Variants in GRM5 observed in about 807,000 individuals in gnomAD.
GRM5 encodes glutamate metabotropic receptor 5.
In GRM5, 19 loss-of-function variants were observed where a neutral mutation model predicts 83.1. That is an observed-to-expected ratio of 0.23 (90% CI 0.16 to 0.34). The LOEUF (loss-of-function observed/expected upper bound fraction) is 0.34. GRM5 is among the 10% of genes least tolerant of loss of function. The pLI, the probability that GRM5 is intolerant of heterozygous loss-of-function variation, is 1.00. For missense variants in GRM5, 1,160 were observed against 1,588.3 expected, an observed-to-expected ratio of 0.73 and a Z score of 4.58; for synonymous variants, 675 against 633.6, an observed-to-expected ratio of 1.07 and a Z score of -0.98.
chr11:88,795,658 T>G (rs994361365), intron 3 of GRM5, among the ~76,000 whole-genome samples: 8 of 152,198 alleles, frequency 5.3e-5, no homozygotes, highest in Non-Finnish European at 1.0e-4. Flanking sequence ...TGAGATATTA[T>G]TAGCACTCTC....
intron 2 of GRM5, among the ~76,000 whole-genome samples, chr11:89,001,505 T>A (rs1429711671): frequency 6.6e-6 from 1 of 152,114 alleles, no homozygotes. Context: ...GTGACAAATT[T>A]ATAGGAATGG....
intron 2 of GRM5, among the ~76,000 whole-genome samples, chr11:88,985,972 TAATA>T (rs1343470149): frequency 2.6e-5 from 4 of 152,122 alleles, no homozygotes; most frequent in Admixed American, 2.6e-4. Context: ...CAATAATAAA[TAATA>T]AATAAACATT....
chr11:88,948,727 A>C (rs1035391481), intron 2 of GRM5, among the ~76,000 whole-genome samples: 2 of 152,248 alleles, frequency 1.3e-5, no homozygotes, highest in Non-Finnish European at 2.9e-5. Flanking sequence ...ATATGAAATC[A>C]AGAAAGCTAT....
rs183290174 is a variant in GRM5, at chr11:88,980,422, G to A, written c.661+66790C>T. Among the ~76,000 whole-genome samples the A allele has an allele frequency of 8.5e-5, 13 of 152,256 alleles. 1 individual carries two copies. In the East Asian group the frequency reaches 2.5e-3, roughly 29 times the overall value. ...TCAACCTAATCACTACCTCATGTTG[G>A]TGAAATATCTAAAATCTAAGAAAGA... On this transcript the variant is annotated intron_variant, in intron 2 of 9. Transcript: ENST00000305447.
At chr11:88,612,851 G>T (rs1156591219) in intron 4 of GRM5, 1 of 152,250 alleles carries the variant, frequency 6.6e-6, no homozygotes, top group Middle Eastern at 3.4e-3. Flanking sequence ...CTTGCGCAGG[G>T]GCCATGCTAA....
At chr11:88,940,331 G>C (rs1229260588) in intron 2 of GRM5, among the ~76,000 whole-genome samples, 1 of 145,184 alleles carries the variant, frequency 6.9e-6, no homozygotes, top group East Asian at 2.0e-4. Flanking sequence ...TTTTTTTTTG[G>C]AAGACCTTTT....
chr11:88,771,118 C>T (rs1942728319), intron 3 of GRM5, among the ~76,000 whole-genome samples: 1 of 152,036 alleles, frequency 6.6e-6, no homozygotes, highest in African/African-American at 2.4e-5. Flanking sequence ...TTAGAGATCA[C>T]CTAGCCCTGG....
chr11:88,944,029 G>C (rs761504862), intron 2 of GRM5, among the ~76,000 whole-genome samples: 1 of 152,000 alleles, frequency 6.6e-6, no homozygotes, highest in Non-Finnish European at 1.5e-5. Context: ...GTGTTTGGCA[G>C]CAAATAGATG....
rs200022697 is a variant in GRM5, at chr11:88,750,586, TGATA to T, written c.912-97187_912-97184del. 2.0e-3 allele frequency among the ~76,000 whole-genome samples: 310 copies of T among 152,302 alleles called. 8 individuals carry two copies. In the East Asian group the frequency reaches 0.05, roughly 25 times the overall value. On this transcript the variant is annotated intron_variant, in intron 3 of 9. Transcript: ENST00000305447. Reference sequence around the variant, plus strand: ...AACTTAGCTCTGGATCAAGTGGCCCTGATAGATATCTACAGAATTCTCCACCCAA... The same window carrying T: ...AACTTAGCTCTGGATCAAGTGGCCCTGATATCTACAGAATTCTCCACCCAA...
At chr11:88,696,198 C>T (rs1232753618) in intron 3 of GRM5, among the ~76,000 whole-genome samples, 1 of 152,112 alleles carries the variant, frequency 6.6e-6, no homozygotes, top group African/African-American at 2.4e-5. Flanking sequence ...CCTCCCACTG[C>T]TCCTGGCTGA....
chr11:88,784,091 T>C (rs1465951649), intron 3 of GRM5, among the ~76,000 whole-genome samples: 2 of 152,062 alleles, frequency 1.3e-5, no homozygotes, highest in South Asian at 2.1e-4. Flanking sequence ...TATACCACCA[T>C]GGCCATAATT....
Position 88,964,738 on chromosome 11 carries a change from G to A in GRM5, c.661+82474C>T, listed in dbSNP as rs1225576324. On this transcript the variant is annotated intron_variant, in intron 2 of 9. Transcript: ENST00000305447. Reference sequence around the variant, plus strand: ...AGACAGAGAGAAGTTCTTCAAGATAGCCAAAGAATGAGGTCAAATTATACA... The same window carrying A: ...AGACAGAGAGAAGTTCTTCAAGATAACCAAAGAATGAGGTCAAATTATACA... 3.3e-5 allele frequency among the ~76,000 whole-genome samples: 5 copies of A among 152,146 alleles called. No individual in the cohort carries two copies. In the East Asian group the frequency reaches 9.6e-4, roughly 29 times the overall value.
intron 3 of GRM5, among the ~76,000 whole-genome samples, chr11:88,795,375 C>T (rs1252738383): frequency 6.6e-6 from 1 of 152,028 alleles, no homozygotes; most frequent in African/African-American, 2.4e-5. Flanking sequence ...ACCTCAAAGA[C>T]ATCATAAAGG....
chr11:88,526,575 A>G (rs551421778), intron 8 of GRM5, among the ~76,000 whole-genome samples: 1 of 152,270 alleles, frequency 6.6e-6, no homozygotes, highest in East Asian at 1.9e-4. Context: ...GTAGGCTATG[A>G]TAAAGGGAGT....
intron 2 of GRM5, among the ~76,000 whole-genome samples, chr11:88,978,152 T>C (rs934584582): frequency 6.6e-6 from 1 of 152,152 alleles, no homozygotes; most frequent in Non-Finnish European, 1.5e-5. Context: ...ACTGTACAAA[T>C]ATAGTGCCTG....
chr11:89,003,593 T>A (rs1192542980), intron 2 of GRM5, among the ~76,000 whole-genome samples: 1 of 152,144 alleles, frequency 6.6e-6, no homozygotes, highest in African/African-American at 2.4e-5. Flanking sequence ...AATGGCAAAT[T>A]TTTAAAGGTG....
intron 5 of GRM5, 119 bp from the exon 6 acceptor site, chr11:88,597,471 C>A: frequency 1.7e-6 from 1 of 577,340 alleles, no homozygotes; most frequent in Non-Finnish European, 3.0e-6. Context: ...CTGGAATTTT[C>A]CATGACAGTA....
chr11:88,909,377 C>T (rs1276887928), intron 2 of GRM5, among the ~76,000 whole-genome samples: 6 of 142,998 alleles, frequency 4.2e-5, no homozygotes, highest in African/African-American at 1.3e-4. Flanking sequence ...TCTCCAGACT[C>T]GTTCATATTA....
intron 3 of GRM5, among the ~76,000 whole-genome samples, chr11:88,722,987 C>T (rs1386518079): frequency 6.6e-6 from 1 of 151,982 alleles, no homozygotes; most frequent in Non-Finnish European, 1.5e-5. Flanking sequence ...AAATTTCAGG[C>T]CCTAAAAATC....
Sources: gnomAD v4.1 joint callset for allele counts (sites outside exome capture counted in the v4.1 genomes callset) on GRCh38, gnomAD v4.1.1 for gene constraint, MANE v1.5 for transcripts, NCBI Gene and HGNC (gene_info 2026-07-23, HGNC 2026-07-21) for gene names.